The following TMEM39A variants were observed in gnomAD, a reference collection of about 807,000 sequenced individuals.
TMEM39A encodes transmembrane protein 39A, also known as suppressor of SQST-1 aggregates in rpl-43 mutants.
TMEM39A carries 19 observed loss-of-function variants against 51.9 expected under a neutral mutation model. The ratio of observed to expected loss-of-function variants is 0.37; its 90% confidence interval spans 0.26 to 0.54. The LOEUF (loss-of-function observed/expected upper bound fraction) is 0.54. TMEM39A is among the 20% of genes least tolerant of loss of function. The pLI is 0.88. For missense variants in TMEM39A, 433 were observed against 590.5 expected (o/e 0.73, Z 2.76); for synonymous variants, 197 against 220.2 (o/e 0.89, Z 0.93).
chr3:119,431,133 G>C lies in TMEM39A; in HGVS notation c.*848C>G, dbSNP rs1267062054. On this transcript the variant is annotated 3_prime_UTR_variant, in exon 9 of 9. Transcript: ENST00000319172. Reference sequence around the variant, plus strand: ...TGGGTTGCTGCTAGACTACATCCAAGATTGTTCAGCTGAGGACTTGCCCAC... The same window carrying C: ...TGGGTTGCTGCTAGACTACATCCAACATTGTTCAGCTGAGGACTTGCCCAC... 6.6e-6 allele frequency: 1 copy of C among 152,086 alleles called. No homozygotes were observed. Among genetic ancestry groups the C allele is most frequent in the Non-Finnish European group, 1.5e-5 (1 of 68,012 alleles). The allele number at this position is 152,086 out of a possible 1,614,324, so 9.4% of individuals were successfully genotyped here. A position where few individuals can be genotyped will look rare whatever the true frequency, so the allele number is the denominator to read the frequency against.
At chr3:119,451,655 AC>A (rs2081200118) in intron 4 of TMEM39A, among the ~76,000 whole-genome samples, 1 of 151,886 alleles carries the variant, frequency 6.6e-6, no homozygotes, top group Admixed American at 6.6e-5. Flanking sequence ...ACATGGAGAA[AC>A]CCCGTCTCTA....
rs920847293 is a variant in TMEM39A, at chr3:119,431,121, G to C, written c.*860C>G. On this transcript the variant is annotated 3_prime_UTR_variant, in exon 9 of 9. Transcript: ENST00000319172. ...CGCCATTGTAGGTGGGTTGCTGCTA[G>C]ACTACATCCAAGATTGTTCAGCTGA... is the stretch of plus-strand genomic sequence containing the variant. 1 of 152,080 alleles carries C rather than the reference G, an allele frequency of 6.6e-6. No homozygotes were observed. The highest frequency in any genetic ancestry group is 6.6e-5 in the Admixed American group (1 of 15,260). The allele number at this position is 152,080 out of a possible 1,614,324, so 9.4% of individuals were successfully genotyped here.
At chr3:119,451,883 C>T (rs1335125900) in intron 4 of TMEM39A, among the ~76,000 whole-genome samples, 1 of 149,086 alleles carries the variant, frequency 6.7e-6, no homozygotes, top group Non-Finnish European at 1.5e-5. Context: ...TGGCCTAGCT[C>T]TGTCAACAAT....
intron 2 of TMEM39A, among the ~76,000 whole-genome samples, chr3:119,458,558 C>T (rs2081296212): frequency 6.6e-6 from 1 of 152,154 alleles, no homozygotes; most frequent in African/African-American, 2.4e-5. Context: ...AGTTCATGGC[C>T]CACTCAGTTA....
chr3:119,438,012 C>T lies in TMEM39A; in HGVS notation c.667G>A (p.Ala223Thr), dbSNP rs753809203. ...TDYNYVVQHE[A>T]VEESASTVGG... ...ACAGTCGAGGCACTTTCCTCTACTG[C>T]CTCGTGCTGAACCACATAGTTGTAG... is the stretch of plus-strand genomic sequence containing the variant. Residue 223 changes from alanine to threonine, a missense_variant, in exon 6 of 9, where the codon GCA (alanine) becomes ACA (threonine). Physicochemically the swap from Ala to Thr is moderately conservative, Grantham distance 58 (BLOSUM62 0). This residue lies in a region of TMEM39A where 223 missense variants were observed against 328.1 expected (regional missense o/e 0.68). Coordinates refer to ENST00000319172, the MANE Select transcript of TMEM39A (RefSeq NM_018266.3). 6.2e-7 allele frequency: 1 copy of T among 1,613,996 alleles called. No homozygotes were observed. Among genetic ancestry groups the T allele is most frequent in the African/African-American group, 1.3e-5 (1 of 74,924 alleles).
chr3:119,444,239 T>C (rs1346425775), intron 5 of TMEM39A, among the ~76,000 whole-genome samples: 8 of 152,346 alleles, frequency 5.3e-5, no homozygotes, highest in Non-Finnish European at 1.5e-5. Flanking sequence ...TATTCTTCAA[T>C]ATACCCATAA....
intron 8 of TMEM39A, among the ~76,000 whole-genome samples, chr3:119,433,818 C>T (rs953921482): frequency 2.0e-5 from 3 of 152,166 alleles, no homozygotes; most frequent in African/African-American, 7.2e-5. Flanking sequence ...CCCCATGTTC[C>T]TCCCAATCTG....
In TMEM39A at chr3:119,432,191, C is replaced by A; in HGVS notation, c.1257G>T (p.Arg419Ser). ...RFYFLFHRPL[R>S]LLNLLILIEG... ...CAATAAGGATGAGCAGATTTAACAG[C>A]CTTAATGGTCGATGAAATAAGAACT... The change falls in exon 9 of 9, where the codon AGG becomes AGT. Residue 419 changes from arginine (R) to serine (S), a missense_variant. Physicochemically the swap from Arg to Ser is moderately radical, Grantham distance 110 (BLOSUM62 -1). Transcript: ENST00000319172. The A allele has an allele frequency of 6.2e-7, 1 of 1,610,612 alleles. No homozygotes were observed. Among genetic ancestry groups the A allele is most frequent in the African/African-American group, 1.3e-5 (1 of 74,796 alleles).
chr3:119,463,007 A>C (rs1462201552), intron 1 of TMEM39A, among the ~76,000 whole-genome samples: 3 of 152,226 alleles, frequency 2.0e-5, no homozygotes, highest in African/African-American at 7.2e-5. Context: ...ACACTGGAAA[A>C]AACCCGTGTT....
chr3:119,433,497 C>A (rs563380180), intron 8 of TMEM39A, among the ~76,000 whole-genome samples: 1 of 152,282 alleles, frequency 6.6e-6, no homozygotes, highest in South Asian at 2.1e-4. Context: ...AGTAATAAAT[C>A]AACTTGCCTA....
chr3:119,437,212 C>T (rs1404102872), intron 6 of TMEM39A, among the ~76,000 whole-genome samples: 4 of 152,120 alleles, frequency 2.6e-5, no homozygotes, highest in African/African-American at 7.2e-5. Context: ...TTAAGTGTCT[C>T]CTTTCTAGAA....
At chr3:119,457,554 G>T (rs2081282362) in intron 3 of TMEM39A, among the ~76,000 whole-genome samples, 1 of 152,160 alleles carries the variant, frequency 6.6e-6, no homozygotes, top group African/African-American at 2.4e-5. Flanking sequence ...CACCTTGGAG[G>T]TCACATGTTG....
chr3:119,437,152 T>A (rs746475085), intron 6 of TMEM39A, among the ~76,000 whole-genome samples, 174 bp from the exon 7 acceptor site: 1 of 152,190 alleles, frequency 6.6e-6, no homozygotes, highest in African/African-American at 2.4e-5. Flanking sequence ...TCCTTCAACC[T>A]GACTTTCTGG....
At chr3:119,438,539 T>C (rs1232911760) in intron 5 of TMEM39A, among the ~76,000 whole-genome samples, 1 of 152,230 alleles carries the variant, frequency 6.6e-6, no homozygotes, top group Non-Finnish European at 1.5e-5. Flanking sequence ...GTATTTTCCC[T>C]GTGTAGTGAG....
chr3:119,455,949 T>A (rs1387495078), intron 3 of TMEM39A, among the ~76,000 whole-genome samples: 1 of 152,182 alleles, frequency 6.6e-6, no homozygotes, highest in Non-Finnish European at 1.5e-5. Flanking sequence ...GCTATGTGAT[T>A]TTTGAACCAG....
intron 4 of TMEM39A, 134 bp from the exon 5 acceptor site, chr3:119,447,306 GC>G: frequency 1.2e-6 from 1 of 815,526 alleles, no homozygotes; most frequent in Non-Finnish European, 1.8e-6. Flanking sequence ...AAGAAAAACT[GC>G]CCCATCCCAC....
At chr3:119,461,017 G>T (rs1457320025) in intron 2 of TMEM39A, among the ~76,000 whole-genome samples, 1 of 152,042 alleles carries the variant, frequency 6.6e-6, no homozygotes, top group Non-Finnish European at 1.5e-5. Flanking sequence ...TAAAGTTACT[G>T]CAATTTACTA....
chr3:119,434,649 C>A, intron 8 of TMEM39A, 113 bp downstream of exon 8: 1 of 1,423,080 alleles, frequency 7.0e-7, no homozygotes, highest in African/African-American at 1.4e-5. Context: ...CAATAATTAC[C>A]ATGTAATAAT....
chr3:119,435,492 G>T lies in TMEM39A; in HGVS notation c.1113-610C>A, dbSNP rs2080956596. The T allele has an allele frequency of 4.1e-6, 4 of 984,508 alleles. No homozygotes were observed. The South Asian group carries it at 1.9e-4, about 46-fold the overall frequency. The allele number at this position is 984,508 out of a possible 1,614,324, so 61.0% of individuals were successfully genotyped here. ...TATTTTTATAGAGGTTTCTCTGGGG[G>T]AAAAGAAGTTACAGAAGCAGCAGCT... On this transcript the variant is annotated intron_variant, in intron 7 of 8. Transcript: ENST00000319172.
Sources: gnomAD v4.1 joint callset for allele counts (sites outside exome capture counted in the v4.1 genomes callset) on GRCh38, gnomAD v4.1.1 for gene constraint, gnomAD v4.1.1 regional missense constraint, MANE v1.5 for transcripts, NCBI Gene and HGNC (gene_info 2026-07-23, HGNC 2026-07-21) for gene names.